C10orf67: variants seen among roughly 807,000 people sequenced by gnomAD.
The protein encoded by C10orf67 is chromosome 10 open reading frame 67, also known as uncharacterized protein C10orf67, mitochondrial.
C10orf67 carries 60 observed loss-of-function variants against 35.6 expected under a neutral mutation model. The observed-to-expected ratio is 1.68, with a 90% confidence interval of 1.37 to 2.09. C10orf67 has a LOEUF of 2.09. Among genes scored for constraint, C10orf67 ranks in the 30% most tolerant of loss-of-function variants. C10orf67 has a pLI of 0.00. For synonymous variants in C10orf67, 167 were observed against 115.8 expected (o/e 1.44, Z -2.84); for missense variants, 474 against 330.2 (o/e 1.44, Z -3.38).
downstream of C10orf67, chr10:23,202,500 G>T (rs1353566738): frequency 4.7e-5 from 7 of 148,528 alleles, no homozygotes; most frequent in African/African-American, 1.2e-4. Flanking sequence ...TAATGCAGCT[G>T]CAAGTTAAAC....
At chr10:23,302,479 A>G (rs939618670) in intron 5 of C10orf67, among the ~76,000 whole-genome samples, 1 of 152,168 alleles carries the variant, frequency 6.6e-6, no homozygotes, top group East Asian at 1.9e-4. Context: ...AAGAGATGCC[A>G]TCGATGAAGT....
intron 12 of C10orf67, among the ~76,000 whole-genome samples, chr10:23,245,042 G>C (rs1842284139): frequency 6.6e-6 from 1 of 152,144 alleles, no homozygotes; most frequent in South Asian, 2.1e-4. Context: ...AGAGAGCTCA[G>C]AAATAAGCTC....
intron 12 of C10orf67, among the ~76,000 whole-genome samples, chr10:23,241,489 C>A (rs1353529504): frequency 6.6e-6 from 1 of 152,046 alleles, no homozygotes; most frequent in Non-Finnish European, 1.5e-5. Flanking sequence ...TATTTGGGGG[C>A]CAGAAGGTTG....
chr10:23,313,458 T>A (rs1844570943), intron 4 of C10orf67, among the ~76,000 whole-genome samples: 1 of 152,216 alleles, frequency 6.6e-6, no homozygotes. Flanking sequence ...TTGATCATAT[T>A]CAACCCTTTA....
chr10:23,320,058 C>T (rs1844883404), intron 4 of C10orf67, among the ~76,000 whole-genome samples: 1 of 152,156 alleles, frequency 6.6e-6, no homozygotes. Flanking sequence ...GGCAGAACCA[C>T]AGCAGAGAGT....
At chr10:23,320,371 A>G (rs1844897490) in intron 4 of C10orf67, among the ~76,000 whole-genome samples, 1 of 152,224 alleles carries the variant, frequency 6.6e-6, no homozygotes. Flanking sequence ...TGTCCCTGTC[A>G]TTAGAAAAGT....
At chr10:23,276,019 T>C (rs553631540) in intron 8 of C10orf67, among the ~76,000 whole-genome samples, 7 of 152,306 alleles carry the variant, frequency 4.6e-5, no homozygotes, top group Admixed American at 3.9e-4. Flanking sequence ...CCTGGAGTAA[T>C]AGAAGAAGCT....
intron 13 of C10orf67, among the ~76,000 whole-genome samples, chr10:23,225,264 A>AAACT (rs1237932887): frequency 2.0e-4 from 31 of 152,206 alleles, no homozygotes; most frequent in Non-Finnish European, 3.8e-4. Flanking sequence ...ATATCCAGCC[A>AAACT]AACTAAGCTT....
intron 3 of C10orf67, among the ~76,000 whole-genome samples, chr10:23,321,152 G>C (rs1844940342): frequency 6.6e-6 from 1 of 152,044 alleles, no homozygotes; most frequent in Non-Finnish European, 1.5e-5. Flanking sequence ...TCTTCTTCTA[G>C]TCCTTGTACT....
At position 23,282,063 on chromosome 10, in the gene C10orf67, C is replaced by T; in HGVS notation, c.925G>A (p.Asp309Asn). ...KTIQKLMDSR[D>N]RLREELHYEK... is the part of the protein sequence containing the mutation. ...TAATGAAGCTCTTCTCTTAATCTGT[C>T]TCTACTATCCATTAACTGAAATAGA... The change falls in exon 8 of 16, where the codon GAC becomes AAC. Residue 309 changes from aspartate to asparagine, a missense_variant. Transcript: ENST00000636213. 5.0e-6 allele frequency: 3 copies of T among 596,290 alleles called. No homozygotes were observed. The highest frequency in any genetic ancestry group is 9.1e-6 in the Non-Finnish European group (3 of 329,772). 36.9% of individuals were successfully genotyped at this position (596,290 alleles called of 1,614,324 possible).
At position 23,221,637 on chromosome 10, in the gene C10orf67, T is replaced by C. The variant is rs11013331; in HGVS notation, c.1570+1961A>G. 8.1e-3 allele frequency among the ~76,000 whole-genome samples: 1,227 copies of C among 152,306 alleles called. 17 individuals are homozygous for C. Among genetic ancestry groups the C allele is most frequent in the African/African-American group, 0.028 (1,161 of 41,564 alleles). ...CTTATTGGCTGCAATATTGCCACTG[T>C]GCAAAGCTATTTTGTCCCTTTAAAT... On this transcript the variant is annotated intron_variant, in intron 15 of 15. Coordinates refer to ENST00000636213, the MANE Select transcript of C10orf67 (RefSeq NM_001371909.1).
chr10:23,323,938 T>TA (rs1845077820), intron 2 of C10orf67, among the ~76,000 whole-genome samples: 1 of 60,230 alleles, frequency 1.7e-5, no homozygotes, highest in African/African-American at 5.6e-5. Context: ...TATATATATA[T>TA]ATATATATAT....
chr10:23,322,678 T>C (rs1845006439), intron 2 of C10orf67, 141 bp from the exon 3 acceptor site: 1 of 585,446 alleles, frequency 1.7e-6, no homozygotes, highest in Admixed American at 3.1e-5. Flanking sequence ...TGGGGCCTAC[T>C]TACGGTGGTG....
intron 13 of C10orf67, among the ~76,000 whole-genome samples, chr10:23,238,708 A>G (rs1405126584): frequency 1.3e-5 from 2 of 152,220 alleles, no homozygotes; most frequent in Non-Finnish European, 2.9e-5. Context: ...GAACTGATTA[A>G]ATTTCTAAAA....
chr10:23,278,592 A>G (rs1433553304), intron 8 of C10orf67, among the ~76,000 whole-genome samples: 2 of 152,206 alleles, frequency 1.3e-5, no homozygotes, highest in Non-Finnish European at 2.9e-5. Context: ...GATGAGAGCC[A>G]CAAGAGGAGA....
chr10:23,282,047 T>C lies in C10orf67; in HGVS notation c.941A>G (p.Glu314Gly). 1.6e-6 allele frequency: 1 copy of C among 631,058 alleles called. No homozygotes were observed. The highest frequency in any genetic ancestry group is 2.0e-5 in the South Asian group (1 of 51,278). 39.1% of individuals were successfully genotyped at this position (631,058 alleles called of 1,614,324 possible). ...LMDSRDRLRE[E>G]LHYEKSLVQD... ...AACTAATGATTTTTCATAATGAAGCTCTTCTCTTAATCTGTCTCTACTATC... is the reference window on the plus strand; with the variant it reads ...AACTAATGATTTTTCATAATGAAGCCCTTCTCTTAATCTGTCTCTACTATC... The change falls in exon 8 of 16, where the codon GAG becomes GGG. Residue 314 changes from glutamate to glycine, a missense_variant. Physicochemically the swap from Glu to Gly is moderately conservative, Grantham distance 98 (BLOSUM62 -2). Transcript: ENST00000636213.
intron 6 of C10orf67, 99 bp from the exon 7 acceptor site, chr10:23,290,057 G>C: frequency 1.5e-6 from 1 of 668,166 alleles, no homozygotes; most frequent in East Asian, 2.7e-5. Context: ...GCACTAGCAG[G>C]CATAGTGGAC....
chr10:23,233,615 G>A (rs574851100), intron 13 of C10orf67, among the ~76,000 whole-genome samples: 42 of 152,254 alleles, frequency 2.8e-4, no homozygotes, highest in African/African-American at 9.1e-4. Context: ...AAATACTTTC[G>A]TGTGATAAAA....
chr10:23,302,074 A>T (rs546155221), intron 5 of C10orf67, among the ~76,000 whole-genome samples: 10 of 152,350 alleles, frequency 6.6e-5, no homozygotes, highest in African/African-American at 2.2e-4. Context: ...AACACGGACC[A>T]GAAGAGTGCA....
Sources: gnomAD v4.1 joint callset for allele counts (sites outside exome capture counted in the v4.1 genomes callset) on GRCh38, gnomAD v4.1.1 for gene constraint, MANE v1.5 for transcripts, NCBI Gene and HGNC (gene_info 2026-07-23, HGNC 2026-07-21) for gene names.